The following MARCHF11 variants were observed in gnomAD, a reference collection of about 807,000 sequenced individuals.
MARCHF11 encodes the protein membrane associated ring-CH-type finger 11.
Under a neutral mutation model 37.3 loss-of-function variants are expected in MARCHF11, and 29 were observed. The observed-to-expected ratio is 0.78, with a 90% CI of 0.58 to 1.06. The LOEUF is 1.06. Among genes scored for constraint, MARCHF11 ranks in the 50% least tolerant of loss-of-function variants. MARCHF11 has a pLI of 0.00. For missense variants in MARCHF11, 482 were observed against 533.4 expected, an observed-to-expected ratio of 0.90 and a Z score of 0.95; for synonymous variants, 233 against 228.0, an observed-to-expected ratio of 1.02 and a Z score of -0.20.
intron 2 of MARCHF11, among the ~76,000 whole-genome samples, chr5:16,148,118 G>C (rs1408169876): frequency 6.6e-6 from 1 of 151,988 alleles, no homozygotes; most frequent in Non-Finnish European, 1.5e-5. Flanking sequence ...AATTTAAGGA[G>C]AGTGCAATCT....
chr5:16,134,537 T>C (rs1009309054), intron 2 of MARCHF11, among the ~76,000 whole-genome samples: 1 of 152,220 alleles, frequency 6.6e-6, no homozygotes, highest in Non-Finnish European at 1.5e-5. Context: ...TATTCTGTTA[T>C]ACAGGCACAA....
chr5:16,157,552 G>C (rs1560991408), intron 2 of MARCHF11, among the ~76,000 whole-genome samples: 3 of 151,776 alleles, frequency 2.0e-5, no homozygotes, highest in Non-Finnish European at 4.4e-5. Context: ...TGATTAACTG[G>C]TTTTTGACAA....
At chr5:16,143,362 T>G (rs1370506448) in intron 2 of MARCHF11, among the ~76,000 whole-genome samples, 1 of 152,322 alleles carries the variant, frequency 6.6e-6, no homozygotes, top group Middle Eastern at 3.4e-3. Context: ...TTTTGGTCCC[T>G]CTAACAATGC....
chr5:16,101,263 C>T (rs1736952223), intron 2 of MARCHF11, among the ~76,000 whole-genome samples: 1 of 152,228 alleles, frequency 6.6e-6, no homozygotes, highest in Admixed American at 6.5e-5. Flanking sequence ...GTAGTCCCAG[C>T]TACTCAGGAG....
chr5:16,165,981 T>C (rs1316945914), intron 2 of MARCHF11, among the ~76,000 whole-genome samples: 1 of 152,156 alleles, frequency 6.6e-6, no homozygotes, highest in African/African-American at 2.4e-5. Context: ...TTTGGAATTC[T>C]GTAAGGGAGA....
At chr5:16,152,686 T>G (rs928403523) in intron 2 of MARCHF11, among the ~76,000 whole-genome samples, 8 of 151,946 alleles carry the variant, frequency 5.3e-5, no homozygotes, top group Non-Finnish European at 1.0e-4. Context: ...GAATTGGCAT[T>G]GTTTCTAAAT....
intron 2 of MARCHF11, among the ~76,000 whole-genome samples, chr5:16,133,649 GCACACA>G (rs138216081): frequency 3.3e-5 from 5 of 149,946 alleles, no homozygotes; most frequent in African/African-American, 7.3e-5. Context: ...ACATACACAT[GCACACA>G]CACACACACA....
rs146251875 is a variant in MARCHF11 at position 16,134,977 on chromosome 5, T to TTCTCTCTCTCTC, written c.693+42737_693+42748dup. On this transcript the variant is annotated intron_variant, in intron 2 of 3. Transcript: ENST00000332432. ...CTATACCTGCAGGATTATGAGTGAT[T>TTCTCTCTCTCTC]TCTCTCTCTCTCTCTCTCTCTCACA... 2.8e-3 allele frequency among the ~76,000 whole-genome samples: 396 copies of TTCTCTCTCTCTC among 143,054 alleles called. 3 individuals carry two copies. The highest frequency in any genetic ancestry group is 9.6e-3 in the African/African-American group (359 of 37,404). 93.8% of individuals were successfully genotyped at this position (143,054 alleles called of 152,430 possible). A position where few individuals can be genotyped will look rare whatever the true frequency, so the allele number is the denominator to read the frequency against.
chr5:16,072,498 C>T (rs1442694411), intron 3 of MARCHF11, among the ~76,000 whole-genome samples: 1 of 132,788 alleles, frequency 7.5e-6, no homozygotes, highest in Non-Finnish European at 1.5e-5. Context: ...AGTGCTCTCT[C>T]TCTCTCTCAC....
chr5:16,102,324 T>C (rs1472591619), intron 2 of MARCHF11, among the ~76,000 whole-genome samples: 1 of 152,084 alleles, frequency 6.6e-6, no homozygotes, highest in East Asian at 1.9e-4. Flanking sequence ...GGCAGGGAAA[T>C]ACTGGGTAGA....
intron 2 of MARCHF11, among the ~76,000 whole-genome samples, chr5:16,098,970 T>C (rs574473711): frequency 1.3e-5 from 2 of 152,280 alleles, no homozygotes; most frequent in East Asian, 3.9e-4. Flanking sequence ...AGATTTATTT[T>C]TTTAAAAGTT....
At chr5:16,115,530 A>G (rs1332110071) in intron 2 of MARCHF11, among the ~76,000 whole-genome samples, 1 of 152,226 alleles carries the variant, frequency 6.6e-6, no homozygotes, top group Non-Finnish European at 1.5e-5. Flanking sequence ...CTTCCATGGT[A>G]GCAAGCATCT....
intron 2 of MARCHF11, 76 bp downstream of exon 2, chr5:16,177,650 C>T (rs1207692350): frequency 8.0e-7 from 1 of 1,244,070 alleles, no homozygotes; most frequent in African/African-American, 1.5e-5. Flanking sequence ...AGTAAATATC[C>T]TTAGTAATAA....
At chr5:16,135,879 T>TAAAAAAA (rs200868869) in intron 2 of MARCHF11, among the ~76,000 whole-genome samples, 2 of 112,650 alleles carry the variant, frequency 1.8e-5, no homozygotes, top group Admixed American at 9.1e-5. Context: ...TGAAAGAGAT[T>TAAAAAAA]TAAAAAAAAA....
intron 2 of MARCHF11, among the ~76,000 whole-genome samples, chr5:16,112,144 C>T (rs1192017559): frequency 6.6e-6 from 1 of 152,182 alleles, no homozygotes; most frequent in Non-Finnish European, 1.5e-5. Flanking sequence ...TGTGAGCCCC[C>T]ACATGGAGTC....
intron 3 of MARCHF11, among the ~76,000 whole-genome samples, chr5:16,090,285 G>A (rs971526564): frequency 6.6e-6 from 1 of 152,130 alleles, no homozygotes; most frequent in African/African-American, 2.4e-5. Flanking sequence ...AGGAAACACC[G>A]AAGTAACGTT....
chr5:16,069,291 T>C (rs1191147944), intron 3 of MARCHF11, among the ~76,000 whole-genome samples: 2 of 152,178 alleles, frequency 1.3e-5, no homozygotes, highest in Non-Finnish European at 2.9e-5. Flanking sequence ...GACACACACA[T>C]ATATATATGG....
chr5:16,113,570 AG>A lies in MARCHF11; in HGVS notation c.694-22490del, dbSNP rs1186231746. Among the ~76,000 whole-genome samples, 3 of 152,310 alleles carry A rather than the reference AG, an allele frequency of 2.0e-5. No individual in the cohort carries two copies. The East Asian group carries it at 5.8e-4, about 29-fold the overall frequency. The stretch of plus-strand genomic sequence containing the variant: ...TTTGCAGGAAGCTAATATTTGAATA[AG>A]GCTATTAAAGGAGAATAATTGAAGA... On this transcript the variant is annotated intron_variant, in intron 2 of 3. Coordinates refer to ENST00000332432, the MANE Select transcript of MARCHF11 (RefSeq NM_001102562.3).
intron 3 of MARCHF11, among the ~76,000 whole-genome samples, chr5:16,078,426 A>T (rs570024959): frequency 6.6e-6 from 1 of 152,218 alleles, no homozygotes; most frequent in Admixed American, 6.5e-5. Context: ...CAAATTCTTT[A>T]CTTGGAAGTG....
Sources: gnomAD v4.1 joint callset for allele counts (sites outside exome capture counted in the v4.1 genomes callset) on GRCh38, gnomAD v4.1.1 for gene constraint, MANE v1.5 for transcripts, NCBI Gene and HGNC (gene_info 2026-07-23, HGNC 2026-07-21) for gene names.